Variants in IQGAP3 observed in about 807,000 individuals in gnomAD.
IQGAP3 encodes IQ motif containing GTPase activating protein 3, also known as ras GTPase-activating-like protein IQGAP3.
IQGAP3 carries 165 observed loss-of-function variants against 208.2 expected under a neutral mutation model. The observed-to-expected ratio is 0.79, with a 90% CI of 0.70 to 0.90. IQGAP3 has a LOEUF of 0.90. IQGAP3 is among the 40% of genes least tolerant of loss of function. IQGAP3 has a pLI of 0.00. For missense variants in IQGAP3, 1,811 were observed against 2,043.1 expected (o/e 0.89, Z 2.19); for synonymous variants, 703 against 803.6 (o/e 0.87, Z 2.12).
intron 19 of IQGAP3, among the ~76,000 whole-genome samples, chr1:156,545,220 C>T (rs562411186): frequency 5.0e-4 from 76 of 152,268 alleles, no homozygotes; most frequent in South Asian, 1.9e-3. Flanking sequence ...TCTCAAGGCC[C>T]TCTTCCAATC....
rs748572551 is a variant in IQGAP3, at chr1:156,539,537, T to G, written c.2893A>C (p.Thr965Pro). 1 of 1,614,036 alleles carries G rather than the reference T, an allele frequency of 6.2e-7. No individual in the cohort carries two copies. The highest frequency in any genetic ancestry group is 8.5e-7 in the Non-Finnish European group (1 of 1,179,982). The change falls in exon 25 of 38, where the codon ACT (threonine) becomes CCT (proline). Residue 965 changes from threonine to proline, a missense_variant and splice_region_variant. Physicochemically the swap from Thr to Pro is conservative, Grantham distance 38. Transcript: ENST00000361170. Reference sequence around the variant, plus strand: ...AGCTTGGCCAGGTAGATGGGCTGAGTCTGCAAGCAAGAGGGGAGACAGGAA... The same window carrying G: ...AGCTTGGCCAGGTAGATGGGCTGAGGCTGCAAGCAAGAGGGGAGACAGGAA... ...AYQHLFYLLQ[T>P]QPIYLAKLIF...
At chr1:156,557,142 C>T (rs867137072) in intron 11 of IQGAP3, among the ~76,000 whole-genome samples, 1,829 of 8,334 alleles carry the variant, frequency 0.22, 839 homozygotes, top group South Asian at 0.5. Context: ...CCGGCAGCCA[C>T]CCCGTCCGGG....
rs770807329 is a variant in IQGAP3 at position 156,533,862 on chromosome 1, T to C, written c.3887A>G (p.His1296Arg). The C allele has an allele frequency of 6.2e-7, 1 of 1,610,798 alleles. No individual in the cohort carries two copies. ...LVNTHRLLLE[H>R]QDCIAPDHQD... is the part of the protein sequence containing the mutation. ...GTGATCAGGGGCAATGCAGTCCTGG[T>C]GCTCCAGCAACAGCTGCAGGACGGA... is the stretch of plus-strand genomic sequence containing the variant. Residue 1296 changes from histidine to arginine, a missense_variant, in exon 31 of 38, where the codon CAC becomes CGC. His to Arg is a conservative substitution (Grantham distance 29). Coordinates refer to ENST00000361170, the MANE Select transcript of IQGAP3 (RefSeq NM_178229.5).
chr1:156,535,105 C>T, intron 28 of IQGAP3, 58 bp downstream of exon 28: 1 of 1,246,178 alleles, frequency 8.0e-7, no homozygotes, highest in Non-Finnish European at 1.2e-6. Context: ...CTGGGGATTG[C>T]AGGTACCAGC....
At chr1:156,566,769 A>C (rs890450007) in intron 2 of IQGAP3, among the ~76,000 whole-genome samples, 17 of 143,542 alleles carry the variant, frequency 1.2e-4, no homozygotes, top group Admixed American at 6.9e-4. Context: ...AGCCCCACCC[A>C]CCCCAGCAAA....
intron 16 of IQGAP3, among the ~76,000 whole-genome samples, chr1:156,549,683 C>G (rs79649155): frequency 0.02 from 2,969 of 152,098 alleles, 51 homozygotes; most frequent in African/African-American, 0.049. Flanking sequence ...GACCCTGGGA[C>G]AGTTTCTTAG....
chr1:156,567,201 C>T (rs1286607105), intron 2 of IQGAP3, among the ~76,000 whole-genome samples: 1 of 152,184 alleles, frequency 6.6e-6, no homozygotes, highest in Non-Finnish European at 1.5e-5. Context: ...CAAAATAGAA[C>T]GTGCTCACTT....
intron 4 of IQGAP3, among the ~76,000 whole-genome samples, chr1:156,564,947 G>T (rs551692604): frequency 1.3e-5 from 2 of 152,226 alleles, no homozygotes; most frequent in East Asian, 3.9e-4. Flanking sequence ...CCAAACACCA[G>T]ATAAGGCCAT....
chr1:156,572,488 C>T lies in IQGAP3; in HGVS notation c.37+5G>A. Reference sequence around the variant, plus strand: ...AGACCCTTCTCTGACCCTCTCCGCACTCACAGGCTGCCCAGCCTGGGCCCG... The same window carrying T: ...AGACCCTTCTCTGACCCTCTCCGCATTCACAGGCTGCCCAGCCTGGGCCCG... On this transcript the variant is annotated splice_donor_5th_base_variant and intron_variant, in intron 1 of 37. Coordinates refer to ENST00000361170, the MANE Select transcript of IQGAP3 (RefSeq NM_178229.5). The T allele has an allele frequency of 6.2e-7, 1 of 1,610,752 alleles. No homozygotes were observed. The highest frequency in any genetic ancestry group is 8.5e-7 in the Non-Finnish European group (1 of 1,179,898).
intron 2 of IQGAP3, among the ~76,000 whole-genome samples, chr1:156,568,053 T>C (rs139477590): frequency 1.1e-3 from 167 of 152,312 alleles, no homozygotes; most frequent in African/African-American, 3.4e-3. Flanking sequence ...CAAGCAGACA[T>C]TGTATTCTTT....
In IQGAP3 at chr1:156,531,379, C is replaced by T. The variant is rs868080850; in HGVS notation, c.4104-132G>A. On this transcript the variant is annotated intron_variant, in intron 32 of 37. Coordinates refer to ENST00000361170, the MANE Select transcript of IQGAP3 (RefSeq NM_178229.5). ...GCTGCTAGGATATAAGGAGAGAGAG[C>T]GAGGGATAGGGGATGTCGTTGCCTG... The T allele has an allele frequency of 8.9e-5, 62 of 694,080 alleles. 1 individual carries two copies. In the Middle Eastern group the frequency reaches 4.2e-3, roughly 47 times the overall value. The allele number at this position is 694,080 out of a possible 1,614,324, so 43.0% of individuals were successfully genotyped here. A position where few individuals can be genotyped will look rare whatever the true frequency, so the allele number is the denominator to read the frequency against.
At chr1:156,553,185 A>C (rs1309800063) in intron 13 of IQGAP3, among the ~76,000 whole-genome samples, 1 of 152,104 alleles carries the variant, frequency 6.6e-6, no homozygotes, top group Non-Finnish European at 1.5e-5. Context: ...CTAAAAATAA[A>C]AAAAAAAGAA....
At chr1:156,553,275 C>T (rs377361178) in intron 13 of IQGAP3, among the ~76,000 whole-genome samples, 3 of 152,344 alleles carry the variant, frequency 2.0e-5, no homozygotes, top group South Asian at 2.1e-4. Context: ...CAGAGTCCTA[C>T]GTGGTCTGGC....
At chr1:156,548,826 C>T in intron 16 of IQGAP3, 78 bp from the exon 17 acceptor site, 1 of 1,380,614 alleles carries the variant, frequency 7.2e-7, no homozygotes, top group Non-Finnish European at 9.6e-7. Context: ...CCACTAGGGA[C>T]AGATTCCATG....
At chr1:156,568,458 C>CT (rs1676500163) in intron 2 of IQGAP3, among the ~76,000 whole-genome samples, 1 of 152,240 alleles carries the variant, frequency 6.6e-6, no homozygotes, top group African/African-American at 2.4e-5. Flanking sequence ...CCCAGGTGAT[C>CT]TGCCCGCCTT....
intron 12 of IQGAP3, 98 bp from the exon 13 acceptor site, chr1:156,554,490 C>A: frequency 8.1e-7 from 1 of 1,232,596 alleles, no homozygotes; most frequent in South Asian, 1.7e-5. Context: ...ATCCCAGAGT[C>A]TCTATCCCAA....
Position 156,556,591 on chromosome 1 carries a change from T to C in IQGAP3, c.1232A>G (p.Tyr411Cys). The stretch of plus-strand genomic sequence containing the variant: ...CTGGTACATAGACGATGCAACAGGG[T>C]ACACTGGAGGCAGCTGGGCCTCAGG... Reference protein sequence around the residue: ...MCPEAQLPPVYPVASSMYQLE... With the variant: ...MCPEAQLPPVCPVASSMYQLE... Residue 411 changes from tyrosine to cysteine, a missense_variant, in exon 12 of 38, where the codon TAC becomes TGC. Coordinates refer to ENST00000361170, the MANE Select transcript of IQGAP3 (RefSeq NM_178229.5). The C allele has an allele frequency of 6.2e-7, 1 of 1,613,538 alleles. No individual in the cohort carries two copies. Among genetic ancestry groups the C allele is most frequent in the East Asian group, 2.2e-5 (1 of 44,860 alleles).
chr1:156,534,424 G>T, intron 29 of IQGAP3, 77 bp downstream of exon 29: 1 of 1,153,650 alleles, frequency 8.7e-7, no homozygotes, highest in Non-Finnish European at 1.2e-6. Context: ...TGTCCTCATG[G>T]ATTCTGGAGG....
intron 5 of IQGAP3, among the ~76,000 whole-genome samples, 161 bp downstream of exon 5, chr1:156,564,454 C>T (rs1273483239): frequency 4.6e-5 from 7 of 152,160 alleles, no homozygotes; most frequent in Non-Finnish European, 1.0e-4. Context: ...CAGACATGCA[C>T]AAAAATCTAA....
Sources: gnomAD v4.1 joint callset for allele counts (sites outside exome capture counted in the v4.1 genomes callset) on GRCh38, gnomAD v4.1.1 for gene constraint, MANE v1.5 for transcripts, NCBI Gene and HGNC (gene_info 2026-07-23, HGNC 2026-07-21) for gene names.